The following ARHGAP31 variants were observed in gnomAD, a reference collection of about 807,000 sequenced individuals.
ARHGAP31 encodes the protein Rho GTPase activating protein 31, also known as rho GTPase-activating protein 31.
Under a neutral mutation model 113.9 loss-of-function variants are expected in ARHGAP31, and 34 were observed. That is an observed-to-expected ratio of 0.30 (90% CI 0.23 to 0.40). The LOEUF is 0.40. ARHGAP31 is among the 10% of genes least tolerant of loss of function. The pLI, the probability that ARHGAP31 is intolerant of heterozygous loss-of-function variation, is 1.00. For synonymous variants in ARHGAP31, 650 were observed against 684.8 expected, an observed-to-expected ratio of 0.95 and a Z score of 0.79; for missense variants, 1,548 against 1,767.1, an observed-to-expected ratio of 0.88 and a Z score of 2.22.
At chr3:119,402,587 G>C (rs907139953) in intron 10 of ARHGAP31, among the ~76,000 whole-genome samples, 190 bp downstream of exon 10, 1 of 151,990 alleles carries the variant, frequency 6.6e-6, no homozygotes, top group African/African-American at 2.4e-5. Flanking sequence ...TCTGTGCCTC[G>C]GTTTCTTAAT....
chr3:119,348,634 T>C (rs2080083839), intron 1 of ARHGAP31, among the ~76,000 whole-genome samples: 1 of 152,266 alleles, frequency 6.6e-6, no homozygotes, highest in African/African-American at 2.4e-5. Context: ...TCCTCTCGTA[T>C]ACTTTAAATC....
chr3:119,375,549 A>G (rs560153454), intron 3 of ARHGAP31, among the ~76,000 whole-genome samples: 2 of 152,300 alleles, frequency 1.3e-5, no homozygotes, highest in East Asian at 3.9e-4. Flanking sequence ...CAAATAAGGT[A>G]ACACAGGTTC....
At chr3:119,389,418 C>G (rs1336672215) in intron 6 of ARHGAP31, among the ~76,000 whole-genome samples, 2 of 152,148 alleles carry the variant, frequency 1.3e-5, no homozygotes, top group African/African-American at 4.8e-5. Context: ...ATGTGAGAGT[C>G]TTTGAACAAA....
intron 3 of ARHGAP31, among the ~76,000 whole-genome samples, chr3:119,373,548 C>A (rs951280600): frequency 3.3e-5 from 5 of 151,980 alleles, no homozygotes; most frequent in Non-Finnish European, 5.9e-5. Flanking sequence ...ACTGCAGCCT[C>A]CCCCACCCGG....
intron 1 of ARHGAP31, among the ~76,000 whole-genome samples, chr3:119,304,078 G>A (rs916041642): frequency 1.7e-4 from 26 of 152,274 alleles, no homozygotes; most frequent in African/African-American, 5.8e-4. Flanking sequence ...ACAGGTGTAA[G>A]CCACCGCACC....
Position 119,413,941 on chromosome 3 carries a change from C to T in ARHGAP31, c.2012C>T (p.Ser671Leu), listed in dbSNP as rs1332241306. The change falls in exon 12 of 12, where the codon TCG becomes TTG. Residue 671 changes from serine (S) to leucine (L), a missense_variant. Coordinates refer to ENST00000264245, the MANE Select transcript of ARHGAP31 (RefSeq NM_020754.4). ...ATTGAATCTGAGGAGGAGCTCTCATCGTTGCCACCTCCTGCTCTGAAGACC... is the reference window on the plus strand; with the variant it reads ...ATTGAATCTGAGGAGGAGCTCTCATTGTTGCCACCTCCTGCTCTGAAGACC... ...KIIESEEELS[S>L]LPPPALKTSP... 9 of 1,614,090 alleles carry T rather than the reference C, an allele frequency of 5.6e-6. No homozygotes were observed. Among genetic ancestry groups the T allele is most frequent in the Middle Eastern group, 1.6e-4 (1 of 6,084 alleles).
intron 1 of ARHGAP31, chr3:119,329,842 C>G: frequency 1.0e-6 from 1 of 985,476 alleles, no homozygotes; most frequent in South Asian, 4.7e-5. Flanking sequence ...TCCGCACTGT[C>G]CCCACCAAAG....
chr3:119,412,750 G>A (rs538720033), intron 11 of ARHGAP31, among the ~76,000 whole-genome samples: 9 of 152,084 alleles, frequency 5.9e-5, no homozygotes, highest in African/African-American at 1.2e-4. Flanking sequence ...GAGACTGGGC[G>A]TGGTGGCTCA....
chr3:119,370,926 A>G (rs1409611080), intron 3 of ARHGAP31, among the ~76,000 whole-genome samples: 2 of 152,226 alleles, frequency 1.3e-5, no homozygotes, highest in Non-Finnish European at 2.9e-5. Flanking sequence ...ACAAATTACC[A>G]GTCTGTCCTC....
rs905703924 is a variant in ARHGAP31 at position 119,294,687 on chromosome 3, C to T, written c.-218C>T. Reference sequence around the variant, plus strand: ...CGGCTGCCAGTCTGCACGGCCTCGGCACGGCGGCCCCGGAGCGGCGCGGGG... The same window carrying T: ...CGGCTGCCAGTCTGCACGGCCTCGGTACGGCGGCCCCGGAGCGGCGCGGGG... On this transcript the variant is annotated 5_prime_UTR_variant, in exon 1 of 12. Coordinates refer to ENST00000264245, the MANE Select transcript of ARHGAP31 (RefSeq NM_020754.4). 1.7e-6 allele frequency: 1 copy of T among 593,040 alleles called. No homozygotes were observed. Among genetic ancestry groups the T allele is most frequent in the Non-Finnish European group, 3.0e-6 (1 of 337,652 alleles). 36.7% of individuals were successfully genotyped at this position (593,040 alleles called of 1,614,324 possible). A position where few individuals can be genotyped will look rare whatever the true frequency, so the allele number is the denominator to read the frequency against.
intron 1 of ARHGAP31, among the ~76,000 whole-genome samples, chr3:119,359,119 G>A (rs189764747): frequency 1.3e-5 from 2 of 151,830 alleles, no homozygotes; most frequent in African/African-American, 2.4e-5. Context: ...CCAGGTTCAA[G>A]CGATTCTCCT....
chr3:119,393,644 G>A (rs2107636796), intron 8 of ARHGAP31, 53 bp downstream of exon 8: 4 of 1,605,010 alleles, frequency 2.5e-6, no homozygotes, highest in Non-Finnish European at 3.4e-6. Context: ...TCCTAACTCT[G>A]CTTATTAAGT....
rs943207784 is a variant in ARHGAP31, at chr3:119,296,677, A to G, written c.100+1673A>G. Among the ~76,000 whole-genome samples, 19 of 152,306 alleles carry G rather than the reference A, an allele frequency of 1.2e-4. No individual in the cohort carries two copies. The South Asian group carries it at 1.5e-3, about 12-fold the overall frequency. On this transcript the variant is annotated intron_variant, in intron 1 of 11. Coordinates refer to ENST00000264245, the MANE Select transcript of ARHGAP31 (RefSeq NM_020754.4). ...CAGAACCCCAGGGTTCTATGAAGAT[A>G]TGTCAAAGGCAGCTTTAGGCAGCTG...
Position 119,365,347 on chromosome 3 carries a change from T to C in ARHGAP31, c.132T>C (p.Phe44=). Reference sequence around the variant, plus strand: ...ACGTTTTGAAGAGCTGTGCAGAATTTATAGAGACTCACGGCATCGTGGATG... The same window carrying C: ...ACGTTTTGAAGAGCTGTGCAGAATTCATAGAGACTCACGGCATCGTGGATG... ...VPYVLKSCAE[F]IETHGIVDGI... is the part of the protein sequence containing the mutation. The change falls in exon 2 of 12, where the codon TTT becomes TTC. Residue 44 remains phenylalanine (F), a synonymous_variant. Transcript: ENST00000264245. 6.2e-7 allele frequency: 1 copy of C among 1,614,172 alleles called. No individual in the cohort carries two copies. The highest frequency in any genetic ancestry group is 8.5e-7 in the Non-Finnish European group (1 of 1,180,042).
At chr3:119,401,302 T>C (rs1415016223) in intron 9 of ARHGAP31, among the ~76,000 whole-genome samples, 1 of 152,208 alleles carries the variant, frequency 6.6e-6, no homozygotes, top group Non-Finnish European at 1.5e-5. Flanking sequence ...TAGTTGTTAA[T>C]AGCATTTGTT....
At chr3:119,410,647 G>A (rs1296416223) in intron 11 of ARHGAP31, among the ~76,000 whole-genome samples, 2 of 152,242 alleles carry the variant, frequency 1.3e-5, no homozygotes, top group African/African-American at 4.8e-5. Context: ...CTGTAGGAAT[G>A]AATGGCATTG....
intron 1 of ARHGAP31, among the ~76,000 whole-genome samples, chr3:119,348,597 G>A (rs1439873253): frequency 1.3e-5 from 2 of 152,192 alleles, no homozygotes; most frequent in Non-Finnish European, 2.9e-5. Context: ...ATAAAACGGT[G>A]TAGTATTTGC....
chr3:119,311,415 T>C (rs2079682683), intron 1 of ARHGAP31, among the ~76,000 whole-genome samples: 2 of 152,210 alleles, frequency 1.3e-5, no homozygotes, highest in African/African-American at 4.8e-5. Context: ...GTCTCTCTTA[T>C]GAAGTGATTA....
chr3:119,325,798 C>G (rs1678041254), intron 1 of ARHGAP31, among the ~76,000 whole-genome samples: 1 of 152,236 alleles, frequency 6.6e-6, no homozygotes. Flanking sequence ...ATATTAGAAT[C>G]ACCTGGGAAG....
Sources: gnomAD v4.1 joint callset for allele counts (sites outside exome capture counted in the v4.1 genomes callset) on GRCh38, gnomAD v4.1.1 for gene constraint, MANE v1.5 for transcripts, NCBI Gene and HGNC (gene_info 2026-07-23, HGNC 2026-07-21) for gene names.